Variants in CLBA1 observed in about 807,000 individuals in gnomAD.
The protein encoded by CLBA1 is uncharacterized protein CLBA1.
CLBA1 carries 30 observed loss-of-function variants against 28.8 expected under a neutral mutation model. The observed-to-expected ratio is 1.04, with a 90% CI of 0.78 to 1.41. The LOEUF is 1.41. CLBA1 is among the 40% of genes most tolerant of loss of function. The pLI is 0.00. For synonymous variants in CLBA1, 160 were observed against 152.8 expected (o/e 1.05, Z -0.35); for missense variants, 451 against 412.3 (o/e 1.09, Z -0.81).
chr14:104,994,061 A>T, intron 4 of CLBA1: 1 of 985,338 alleles, frequency 1.0e-6, no homozygotes, highest in Non-Finnish European at 1.2e-6. Flanking sequence ...GACAGGTGCC[A>T]TGGGGCAACA....
chr14:104,986,430 A>G lies in CLBA1; in HGVS notation c.-2A>G. 5 of 1,611,594 alleles carry G rather than the reference A, an allele frequency of 3.1e-6. No individual in the cohort carries two copies. Among genetic ancestry groups the G allele is most frequent in the Non-Finnish European group, 4.2e-6 (5 of 1,179,626 alleles). Reference sequence around the variant, plus strand: ...GGCCTCTGCTGGCCTGGGGGCTCCAAGATGCAAGGCCGGCGGGAGCTGGGG... The same window carrying G: ...GGCCTCTGCTGGCCTGGGGGCTCCAGGATGCAAGGCCGGCGGGAGCTGGGG... On this transcript the variant is annotated 5_prime_UTR_variant, in exon 1 of 5. Transcript: ENST00000547315.
intron 4 of CLBA1, 91 bp from the exon 5 acceptor site, chr14:104,994,507 G>C: frequency 6.7e-7 from 1 of 1,486,404 alleles, no homozygotes. Flanking sequence ...CTAGGGGGCC[G>C]AGAGGCAGGG....
downstream of CLBA1, among the ~76,000 whole-genome samples, chr14:104,998,016 T>TAAAGAAAG (rs139924666): frequency 2.1e-4 from 31 of 145,080 alleles, no homozygotes; most frequent in African/African-American, 7.6e-4. Context: ...CTCAAAAAAA[T>TAAAGAAAG]AAAGAAAGAA....
At chr14:104,990,250 G>C (rs1338335584) in intron 2 of CLBA1, 1 of 159,296 alleles carries the variant, frequency 6.3e-6, no homozygotes. Context: ...TGGTACTTTG[G>C]GGGTGGAGTA....
rs1031945509 is a variant in CLBA1 at position 104,995,006 on chromosome 14, G to A, written c.*247G>A. 2 of 1,163,358 alleles carry A rather than the reference G, an allele frequency of 1.7e-6. No individual in the cohort carries two copies. Among genetic ancestry groups the A allele is most frequent in the Admixed American group, 4.5e-5 (1 of 22,056 alleles). The allele number at this position is 1,163,358 out of a possible 1,614,324, so 72.1% of individuals were successfully genotyped here. On this transcript the variant is annotated 3_prime_UTR_variant, in exon 5 of 5. Coordinates refer to ENST00000547315, the MANE Select transcript of CLBA1 (RefSeq NM_174891.4). ...TGCCATGACAGGCTGTCGGGGTCCA[G>A]GTGGCACTCATGGGCCCCCTGCCCC...
chr14:104,989,302 C>G (rs532326082), intron 2 of CLBA1: 152 of 530,482 alleles, frequency 2.9e-4, no homozygotes, highest in Non-Finnish European at 4.8e-4. Context: ...ATCCTCCTCC[C>G]CAGCCAGCTC....
At chr14:104,991,320 A>G (rs1409827621) in intron 2 of CLBA1, 171 bp from the exon 3 acceptor site, 1 of 664,506 alleles carries the variant, frequency 1.5e-6, no homozygotes, top group East Asian at 3.4e-5. Flanking sequence ...CACTGTGCCC[A>G]GCCCGGGAAC....
chr14:104,996,537 G>C (rs56975679), downstream of CLBA1, among the ~76,000 whole-genome samples: 11,186 of 152,286 alleles, frequency 0.073, 1,429 homozygotes, highest in African/African-American at 0.26. Context: ...TGTTCCCAAA[G>C]TCTGGAGGCC....
At chr14:104,991,243 C>T (rs2140896871) in intron 2 of CLBA1, 1 of 340,632 alleles carries the variant, frequency 2.9e-6, no homozygotes, top group East Asian at 7.9e-5. Flanking sequence ...CCAGGCAGAT[C>T]TTGAACTCCT....
At chr14:104,987,620 T>TC (rs1899901812) in intron 1 of CLBA1, among the ~76,000 whole-genome samples, 2 of 119,690 alleles carry the variant, frequency 1.7e-5, no homozygotes, top group Non-Finnish European at 3.6e-5. Flanking sequence ...TTTTTTTTTT[T>TC]TTTTTTTTTT....
intron 1 of CLBA1, among the ~76,000 whole-genome samples, chr14:104,987,360 A>C (rs1016820430): frequency 6.6e-6 from 1 of 152,222 alleles, no homozygotes; most frequent in Non-Finnish European, 1.5e-5. Context: ...TCCGGGAGCC[A>C]GGGTCCCAGC....
chr14:104,997,571 G>A (rs1360380475), downstream of CLBA1, among the ~76,000 whole-genome samples: 1 of 152,220 alleles, frequency 6.6e-6, no homozygotes, highest in African/African-American at 2.4e-5. Context: ...AGGCCTTAAA[G>A]GCAGCTAGGA....
rs2071843559 is a variant in CLBA1 at position 104,995,063 on chromosome 14, TGCCCAGGGATGGACC to T, written c.*305_*319del. ...ATGCTGCTGGCACCTGGTGGGGGGT[TGCCCAGGGATGGACC>T]CTGGGCATGGCTTCTGGGCTGCTTA... is the stretch of plus-strand genomic sequence containing the variant. On this transcript the variant is annotated 3_prime_UTR_variant, in exon 5 of 5. Transcript: ENST00000547315. 1 of 1,047,572 alleles carries T rather than the reference TGCCCAGGGATGGACC, an allele frequency of 9.5e-7. No individual in the cohort carries two copies. The highest frequency in any genetic ancestry group is 5.4e-5 in the Admixed American group (1 of 18,660). The allele number at this position is 1,047,572 out of a possible 1,614,324, so 64.9% of individuals were successfully genotyped here. A position where few individuals can be genotyped will look rare whatever the true frequency, so the allele number is the denominator to read the frequency against.
downstream of CLBA1, among the ~76,000 whole-genome samples, chr14:104,996,134 C>T (rs1900151742): frequency 6.6e-6 from 1 of 152,200 alleles, no homozygotes. Context: ...TGTTGGTGAC[C>T]CACAGACCTC....
intron 2 of CLBA1, chr14:104,990,791 C>A (rs951826458): frequency 6.5e-6 from 1 of 153,672 alleles, no homozygotes; most frequent in Non-Finnish European, 1.4e-5. Flanking sequence ...CAGTTCTAGG[C>A]ACTTGAGTGA....
intron 4 of CLBA1, chr14:104,994,071 AG>A: frequency 1.0e-6 from 1 of 985,318 alleles, no homozygotes; most frequent in Non-Finnish European, 1.2e-6. Context: ...ATGGGGCAAC[AG>A]GAGAGGGCCC....
At chr14:104,986,878 C>T (rs751511384) in intron 1 of CLBA1, 24 bp downstream of exon 1, 2 of 1,608,764 alleles carry the variant, frequency 1.2e-6, no homozygotes, top group Non-Finnish European at 1.7e-6. Context: ...GCTGTGGTCA[C>T]CATGTTGAGT....
chr14:104,986,384 C>G lies in CLBA1; in HGVS notation c.-48C>G, dbSNP rs769816488. On this transcript the variant is annotated 5_prime_UTR_variant, in exon 1 of 5. Coordinates refer to ENST00000547315, the MANE Select transcript of CLBA1 (RefSeq NM_174891.4). The stretch of plus-strand genomic sequence containing the variant: ...GCGGCCAGCACCCCGGCGTGCATGT[C>G]TCCTGAGCAGCTGCCCATCGGGCCT... 1.7e-5 allele frequency: 27 copies of G among 1,586,274 alleles called. No homozygotes were observed. Among genetic ancestry groups the G allele is most frequent in the Non-Finnish European group, 2.3e-5 (27 of 1,168,762 alleles).
chr14:104,986,157 G>T lies in CLBA1; in HGVS notation c.-275G>T, dbSNP rs1899848172. Reference sequence around the variant, plus strand: ...CCCCTCTCACACCTGCCGTGGGTCTGGTACGCGCCTCTGTGTCGGACTCCG... The same window carrying T: ...CCCCTCTCACACCTGCCGTGGGTCTTGTACGCGCCTCTGTGTCGGACTCCG... On this transcript the variant is annotated 5_prime_UTR_variant, in exon 1 of 5. Coordinates refer to ENST00000547315, the MANE Select transcript of CLBA1 (RefSeq NM_174891.4). 3 of 517,974 alleles carry T rather than the reference G, an allele frequency of 5.8e-6. No individual in the cohort carries two copies. In the South Asian group the frequency reaches 6.6e-5, roughly 11 times the overall value. The allele number at this position is 517,974 out of a possible 1,614,324, so 32.1% of individuals were successfully genotyped here.
Sources: allele counts gnomAD v4.1 joint callset (sites outside exome capture counted in the v4.1 genomes callset), GRCh38; gene constraint gnomAD v4.1.1; transcripts MANE v1.5; gene names NCBI Gene and HGNC (gene_info 2026-07-23, HGNC 2026-07-21).